The following ABL1 variants were observed in gnomAD, a reference collection of about 807,000 sequenced individuals.
The protein encoded by ABL1 is tyrosine-protein kinase ABL1.
ABL1 carries 11 observed loss-of-function variants against 94.7 expected under a neutral mutation model. The ratio of observed to expected loss-of-function variants is 0.12; its 90% CI spans 0.07 to 0.19. The LOEUF (loss-of-function observed/expected upper bound fraction) is 0.19, where lower values mean the gene tolerates loss of function less well. ABL1 is among the 10% of genes least tolerant of loss of function. The pLI is 1.00. For synonymous variants in ABL1, 656 were observed against 622.4 expected, an observed-to-expected ratio of 1.05 and a Z score of -0.80; for missense variants, 1,082 against 1,489.4, an observed-to-expected ratio of 0.73 and a Z score of 4.50.
intron 1 of ABL1, among the ~76,000 whole-genome samples, chr9:130,718,949 G>A (rs1831481239): frequency 6.6e-6 from 1 of 152,132 alleles, no homozygotes. Context: ...GTTTGTTGCT[G>A]AAGTACTAAC....
chr9:130,735,952 TATATATA>T lies in ABL1; in HGVS notation c.136+21498_136+21504del, dbSNP rs1478638204. Among the ~76,000 whole-genome samples, 14 of 88,760 alleles carry T rather than the reference TATATATA, an allele frequency of 1.6e-4. 1 individual carries two copies. The highest frequency in any genetic ancestry group is 8.5e-3 in the Middle Eastern group (2 of 236). 58.2% of individuals were successfully genotyped at this position (88,760 alleles called of 152,430 possible). A position where few individuals can be genotyped will look rare whatever the true frequency, so the allele number is the denominator to read the frequency against. On this transcript the variant is annotated intron_variant, in intron 1 of 10. Transcript: ENST00000372348. ...GTGTGTGCATATATATATATATATA[TATATATA>T]TATTTTTTTTTTTTAAGACAGGGTC...
chr9:130,782,878 C>A (rs1829774140), intron 1 of ABL1, among the ~76,000 whole-genome samples: 1 of 152,310 alleles, frequency 6.6e-6, no homozygotes, highest in African/African-American at 2.4e-5. Context: ...CAATGAAAAT[C>A]ATCAAACCTA....
chr9:130,724,529 G>C (rs1195489526), intron 1 of ABL1, among the ~76,000 whole-genome samples: 3 of 151,192 alleles, frequency 2.0e-5, no homozygotes, highest in African/African-American at 7.3e-5. Flanking sequence ...GAAATTCTTG[G>C]CTGGGCTCGG....
intron 1 of ABL1, among the ~76,000 whole-genome samples, chr9:130,725,835 T>TGTTG (rs1554756999): frequency 0.044 from 3,312 of 75,938 alleles, 252 homozygotes; most frequent in African/African-American, 0.19. Flanking sequence ...TTTTTTTTTT[T>TGTTG]TTTTTTTTTT....
At position 130,814,426 on chromosome 9, in the gene ABL1, C is replaced by G. The variant is rs35872825; in HGVS notation, c.137-39638C>G. On this transcript the variant is annotated intron_variant, in intron 1 of 10. Coordinates refer to the ABL1 transcript ENST00000372348. This position sits in a 1 kb window ranked among gnomAD's most constrained non-coding sequence, Gnocchi z 4.4. ...CTCATAAACCTCTACCCAGACTGAT[C>G]AGGGGAAAAAAGGGAAGACAATAAC... 8.9e-3 allele frequency among the ~76,000 whole-genome samples: 1,359 copies of G among 152,164 alleles called. 24 individuals carry two copies. Among genetic ancestry groups the G allele is most frequent in the African/African-American group, 0.028 (1,148 of 41,514 alleles).
chr9:130,831,536 A>G (rs905433241), upstream of ABL1, among the ~76,000 whole-genome samples: 10 of 152,230 alleles, frequency 6.6e-5, no homozygotes, highest in Non-Finnish European at 1.3e-4. Flanking sequence ...AATTTTAGAA[A>G]TATCCATTCC....
intron 4 of ABL1, 141 bp from the exon 5 acceptor site, chr9:130,871,988 G>C (rs1831258041): frequency 4.4e-6 from 3 of 675,706 alleles, no homozygotes; most frequent in African/African-American, 1.8e-5. Context: ...CATGGAACCT[G>C]TCTGCAGCAA....
At chr9:130,826,352 C>T (rs1665730668) in intron 1 of ABL1, among the ~76,000 whole-genome samples, 1 of 151,932 alleles carries the variant, frequency 6.6e-6, no homozygotes, top group Non-Finnish European at 1.5e-5. Context: ...AACTCTTGAG[C>T]TCAAACGATC....
chr9:130,769,972 CA>C (rs761987513), intron 1 of ABL1, among the ~76,000 whole-genome samples: 5 of 152,082 alleles, frequency 3.3e-5, no homozygotes, highest in African/African-American at 4.8e-5. Context: ...TTCTTTCATT[CA>C]ATATAATGGG....
intron 1 of ABL1, among the ~76,000 whole-genome samples, chr9:130,844,733 G>A (rs1009489730): frequency 6.6e-6 from 1 of 152,094 alleles, no homozygotes; most frequent in African/African-American, 2.4e-5. Context: ...CCCGGGAGGC[G>A]GAGGTTGAAG....
chr9:130,884,913 G>A lies in ABL1; in HGVS notation c.2623G>A (p.Val875Met). The stretch of plus-strand genomic sequence containing the variant: ...CAAGGGCCCCGCCGAGGAGTCCAGA[G>A]TGAGGAGGCACAAGCACTCCTCTGA... The part of the protein sequence containing the change: ...TSKGPAEESR[V>M]RRHKHSSESP... Residue 875 changes from valine to methionine, a missense_variant, in exon 11 of 11, where the codon GTG (valine) becomes ATG (methionine). Transcript: ENST00000318560. This position sits in a 1 kb window ranked among gnomAD's most constrained non-coding sequence, Gnocchi z 5.6. 6 of 1,611,578 alleles carry A rather than the reference G, an allele frequency of 3.7e-6. No individual in the cohort carries two copies. Among genetic ancestry groups the A allele is most frequent in the Non-Finnish European group, 3.4e-6 (4 of 1,179,582 alleles).
At chr9:130,738,517 G>T (rs1023478099) in intron 1 of ABL1, among the ~76,000 whole-genome samples, 3 of 152,132 alleles carry the variant, frequency 2.0e-5, no homozygotes, top group Admixed American at 2.0e-4. Context: ...CATGACATGA[G>T]TGATGGTAAT....
chr9:130,775,643 C>G (rs931999713), intron 1 of ABL1, among the ~76,000 whole-genome samples: 9 of 151,582 alleles, frequency 5.9e-5, no homozygotes, highest in African/African-American at 2.2e-4. Flanking sequence ...ATAGAGATAA[C>G]AGATGAGAGA....
rs1213564625 is a variant in ABL1 at position 130,862,029 on chromosome 9, C to A, written c.550-734C>A. Among the ~76,000 whole-genome samples the A allele has an allele frequency of 6.6e-6, 1 of 152,190 alleles. No homozygotes were observed. Among genetic ancestry groups the A allele is most frequent in the South Asian group, 2.1e-4 (1 of 4,826 alleles). ...AGCTCTCACACGGGGACCGAATGCT[C>A]TTGTGTCGTAAATCCTTCCTTTTGC... On this transcript the variant is annotated intron_variant, in intron 3 of 10. Transcript: ENST00000318560. This position sits in a 1 kb window ranked among gnomAD's most constrained non-coding sequence, Gnocchi z 5.5.
intron 1 of ABL1, among the ~76,000 whole-genome samples, chr9:130,827,080 A>G (rs79752838): frequency 6.7e-6 from 1 of 149,952 alleles, no homozygotes; most frequent in Non-Finnish European, 1.5e-5. Context: ...TCCGCCTCAG[A>G]AAAAAAAAAG....
At chr9:130,766,940 C>T (rs1047431239) in intron 1 of ABL1, among the ~76,000 whole-genome samples, 1 of 152,184 alleles carries the variant, frequency 6.6e-6, no homozygotes, top group Non-Finnish European at 1.5e-5. Context: ...GAGTAATGTT[C>T]AGCTTCTCTC....
chr9:130,776,258 A>G (rs892147111), intron 1 of ABL1, among the ~76,000 whole-genome samples: 1 of 152,220 alleles, frequency 6.6e-6, no homozygotes, highest in African/African-American at 2.4e-5. Flanking sequence ...TTAATACTCA[A>G]TCCTCTGTGA....
At chr9:130,736,294 C>T (rs533751222) in intron 1 of ABL1, among the ~76,000 whole-genome samples, 8 of 151,822 alleles carry the variant, frequency 5.3e-5, no homozygotes, top group African/African-American at 1.4e-4. Context: ...TAGATATTTC[C>T]ACATTTTCTT....
chr9:130,741,577 G>A (rs1325379085), intron 1 of ABL1, among the ~76,000 whole-genome samples: 1 of 151,796 alleles, frequency 6.6e-6, no homozygotes, highest in East Asian at 1.9e-4. Context: ...CAGTTACCAT[G>A]CCAGAGTAAC....
Sources: allele counts gnomAD v4.1 joint callset (sites outside exome capture counted in the v4.1 genomes callset), GRCh38; gene constraint gnomAD v4.1.1; non-coding constraint Gnocchi (gnomAD v3.1); transcripts MANE v1.5; gene names NCBI Gene and HGNC (gene_info 2026-07-23, HGNC 2026-07-21).